Variants in OXCT1 observed in about 807,000 individuals in gnomAD.
The protein encoded by OXCT1 is 3-oxoacid CoA-transferase 1.
A neutral mutation model predicts 69.6 loss-of-function variants in OXCT1; 27 were observed. That is an observed-to-expected ratio of 0.39 (90% CI 0.29 to 0.54). The LOEUF is 0.54. Ranked by LOEUF, OXCT1 falls within the 20% of genes least tolerant of loss-of-function variation. The pLI is 0.72. For missense variants in OXCT1, 437 were observed against 650.2 expected (o/e 0.67, Z 3.57); for synonymous variants, 202 against 217.8 (o/e 0.93, Z 0.64).
intron 10 of OXCT1, among the ~76,000 whole-genome samples, chr5:41,801,969 G>A (rs1746445996): frequency 6.6e-6 from 1 of 151,546 alleles, no homozygotes; most frequent in Admixed American, 6.6e-5. Context: ...TTCTAGAGAG[G>A]GACCAAAAAT....
intron 7 of OXCT1, among the ~76,000 whole-genome samples, chr5:41,835,626 T>C (rs1748321370): frequency 6.6e-6 from 1 of 152,228 alleles, no homozygotes; most frequent in African/African-American, 2.4e-5. Context: ...ATAAATACAA[T>C]AAAAGTAATT....
At chr5:41,829,070 A>G (rs575718019) in intron 7 of OXCT1, among the ~76,000 whole-genome samples, 1 of 152,280 alleles carries the variant, frequency 6.6e-6, no homozygotes, top group African/African-American at 2.4e-5. Context: ...TACAAGCCAC[A>G]CTAGTTCAAC....
At chr5:41,835,343 T>C (rs1042375010) in intron 7 of OXCT1, among the ~76,000 whole-genome samples, 2 of 152,202 alleles carry the variant, frequency 1.3e-5, no homozygotes, top group Non-Finnish European at 2.9e-5. Flanking sequence ...CACAAAAATT[T>C]AAAAATTTTA....
At chr5:41,834,786 T>C (rs1256751753) in intron 7 of OXCT1, among the ~76,000 whole-genome samples, 2 of 152,252 alleles carry the variant, frequency 1.3e-5, no homozygotes, top group Admixed American at 6.5e-5. Flanking sequence ...GTCAGAGACA[T>C]AGGACTTAAT....
intron 15 of OXCT1, among the ~76,000 whole-genome samples, chr5:41,743,947 T>G (rs1242015626): frequency 1.3e-5 from 2 of 152,100 alleles, no homozygotes; most frequent in Non-Finnish European, 2.9e-5. Flanking sequence ...AGCTTAGTAT[T>G]GACTTGGAAA....
chr5:41,801,130 G>A (rs986323133), intron 10 of OXCT1, 60 bp from the exon 11 acceptor site: 3 of 1,229,720 alleles, frequency 2.4e-6, no homozygotes, highest in African/African-American at 3.0e-5. Context: ...TCACATATTA[G>A]AACTATAATA....
At chr5:41,847,006 G>A (rs1748941955) in intron 5 of OXCT1, among the ~76,000 whole-genome samples, 2 of 151,736 alleles carry the variant, frequency 1.3e-5, no homozygotes, top group South Asian at 4.2e-4. Flanking sequence ...GTTTTTGAAA[G>A]GATCAACAAA....
intron 6 of OXCT1, among the ~76,000 whole-genome samples, chr5:41,841,001 C>T (rs1748602744): frequency 6.6e-6 from 1 of 152,126 alleles, no homozygotes; most frequent in African/African-American, 2.4e-5. Context: ...ATGAAACATT[C>T]ATTGATAATT....
At chr5:41,850,514 TTTAG>T (rs1427157864) in intron 4 of OXCT1, among the ~76,000 whole-genome samples, 2 of 152,186 alleles carry the variant, frequency 1.3e-5, no homozygotes, top group African/African-American at 4.8e-5. Context: ...ATTATGAAAC[TTTAG>T]TTATATATAT....
chr5:41,766,870 T>C (rs978565954), intron 13 of OXCT1, among the ~76,000 whole-genome samples: 21 of 152,138 alleles, frequency 1.4e-4, no homozygotes, highest in Admixed American at 5.9e-4. Flanking sequence ...CTATATGCCA[T>C]AGTAGAAAGT....
At chr5:41,854,686 G>T (rs1388018569) in intron 3 of OXCT1, among the ~76,000 whole-genome samples, 1 of 151,916 alleles carries the variant, frequency 6.6e-6, no homozygotes, top group African/African-American at 2.4e-5. Context: ...TTGTTTTAAT[G>T]GGGAAGTATT....
intron 14 of OXCT1, among the ~76,000 whole-genome samples, chr5:41,756,294 C>T (rs909244249): frequency 1.3e-5 from 2 of 152,048 alleles, no homozygotes; most frequent in Non-Finnish European, 2.9e-5. Flanking sequence ...TACTTAGGAA[C>T]ACGTTTCCCG....
Position 41,731,789 on chromosome 5 carries a change from A to C in OXCT1, c.1522-19T>G. On this transcript the variant is annotated intron_variant, in intron 16 of 16. Transcript: ENST00000196371. The stretch of plus-strand genomic sequence containing the variant: ...GTGAAACCTGGTAAAAGAGGAAAAA[A>C]AAATCAAATTATGAAAAACTGCATG... 9.4e-6 allele frequency: 15 copies of C among 1,603,660 alleles called. No homozygotes were observed. The highest frequency in any genetic ancestry group is 1.3e-5 in the Non-Finnish European group (15 of 1,174,028).
chr5:41,855,382 T>C (rs1163748922), intron 3 of OXCT1, among the ~76,000 whole-genome samples: 2 of 152,190 alleles, frequency 1.3e-5, no homozygotes, highest in African/African-American at 2.4e-5. Flanking sequence ...TCCATCAAAC[T>C]GTATTTATGA....
Position 41,870,180 on chromosome 5 carries a change from C to T in OXCT1, c.78+101G>A. 1.1e-6 allele frequency: 1 copy of T among 934,134 alleles called. No homozygotes were observed. The highest frequency in any genetic ancestry group is 1.7e-6 in the Non-Finnish European group (1 of 578,944). The allele number at this position is 934,134 out of a possible 1,614,324, so 57.9% of individuals were successfully genotyped here. On this transcript the variant is annotated intron_variant, in intron 1 of 16. Coordinates refer to ENST00000196371, the MANE Select transcript of OXCT1 (RefSeq NM_000436.4). This position sits in a 1 kb window ranked among gnomAD's most constrained non-coding sequence, Gnocchi z 4.2. Reference sequence around the variant, plus strand: ...CGCGCCACGGATGCCAGATCCCAGGCTGGAGAGAGCGGGTAGGGGCAGAGA... The same window carrying T: ...CGCGCCACGGATGCCAGATCCCAGGTTGGAGAGAGCGGGTAGGGGCAGAGA...
intron 5 of OXCT1, among the ~76,000 whole-genome samples, chr5:41,845,758 C>T (rs1244338612): frequency 1.3e-5 from 2 of 152,090 alleles, no homozygotes; most frequent in East Asian, 1.9e-4. Context: ...AAGTATTTAT[C>T]CCAAGTTTTC....
At chr5:41,838,188 T>A (rs979389631) in intron 7 of OXCT1, among the ~76,000 whole-genome samples, 5 of 151,928 alleles carry the variant, frequency 3.3e-5, no homozygotes, top group African/African-American at 4.8e-5. Context: ...GTGCATAGGG[T>A]ATAGCACAGA....
Position 41,789,856 on chromosome 5 carries a change from G to C in OXCT1, c.1248+4147C>G, listed in dbSNP as rs1045255372. ...GGATTACAATTGATGCAACTAAACA[G>C]ACTGAATCTTCAACACAAACCCCCT... On this transcript the variant is annotated intron_variant, in intron 13 of 16. Coordinates refer to ENST00000196371, the MANE Select transcript of OXCT1 (RefSeq NM_000436.4). 2.6e-5 allele frequency among the ~76,000 whole-genome samples: 4 copies of C among 152,150 alleles called. No individual in the cohort carries two copies. In the South Asian group the frequency reaches 6.2e-4, roughly 24 times the overall value.
At chr5:41,819,589 C>T (rs1214210922) in intron 7 of OXCT1, among the ~76,000 whole-genome samples, 2 of 152,032 alleles carry the variant, frequency 1.3e-5, no homozygotes, top group Admixed American at 6.5e-5. Context: ...AGGCTGGTCT[C>T]GAACTCCTTA....
Sources: gnomAD v4.1 joint callset for allele counts (sites outside exome capture counted in the v4.1 genomes callset) on GRCh38, gnomAD v4.1.1 for gene constraint, Gnocchi (gnomAD v3.1) non-coding constraint, MANE v1.5 for transcripts, NCBI Gene and HGNC (gene_info 2026-07-23, HGNC 2026-07-21) for gene names.